CTNNBL1: variants seen among roughly 807,000 people sequenced by gnomAD.
The protein encoded by CTNNBL1 is beta-catenin-like protein 1.
CTNNBL1 carries 31 observed loss-of-function variants against 72.7 expected under a neutral mutation model. The ratio of observed to expected loss-of-function variants is 0.43; its 90% CI spans 0.32 to 0.58. The LOEUF is 0.58. Among genes scored for constraint, CTNNBL1 ranks in the 20% least tolerant of loss-of-function variants. The probability of loss-of-function intolerance (pLI) is 0.08; values close to 1 mark genes in which losing one functional copy is unlikely to be tolerated. For missense variants in CTNNBL1, 534 were observed against 725.1 expected (o/e 0.74, Z 3.03); for synonymous variants, 240 against 267.3 (o/e 0.90, Z 1.00).
intron 13 of CTNNBL1, among the ~76,000 whole-genome samples, chr20:37,848,572 T>G (rs2072367461): frequency 1.3e-5 from 2 of 152,134 alleles, no homozygotes; most frequent in South Asian, 4.1e-4. Context: ...GACGTCGTGC[T>G]TTTACCTCTC....
intron 7 of CTNNBL1, 179 bp from the exon 8 acceptor site, chr20:37,777,166 T>C (rs754412652): frequency 4.0e-5 from 22 of 556,638 alleles, no homozygotes; most frequent in African/African-American, 9.4e-5. Context: ...TTTCAATCTG[T>C]CACTTTACTT....
At chr20:37,706,327 C>T (rs576514741) in intron 1 of CTNNBL1, among the ~76,000 whole-genome samples, 1 of 152,328 alleles carries the variant, frequency 6.6e-6, no homozygotes, top group East Asian at 1.9e-4. Context: ...TAGCGTTTTA[C>T]CCACAGTAGA....
At chr20:37,777,229 T>C in intron 7 of CTNNBL1, 116 bp from the exon 8 acceptor site, 1 of 801,264 alleles carries the variant, frequency 1.2e-6, no homozygotes. Context: ...AACTGCCTTT[T>C]CCTTTTCTAA....
intron 7 of CTNNBL1, among the ~76,000 whole-genome samples, chr20:37,770,861 A>G (rs1300366805): frequency 2.0e-5 from 3 of 152,248 alleles, no homozygotes; most frequent in East Asian, 3.8e-4. Context: ...TTCTTTCATT[A>G]ATTAGTTAAT....
At chr20:37,757,320 G>A (rs1321199875) in intron 4 of CTNNBL1, among the ~76,000 whole-genome samples, 3 of 152,216 alleles carry the variant, frequency 2.0e-5, no homozygotes, top group African/African-American at 4.8e-5. Flanking sequence ...TGAAAATTCA[G>A]TGAACCTGTG....
At chr20:37,790,946 A>T (rs1335670704) in intron 10 of CTNNBL1, among the ~76,000 whole-genome samples, 1 of 152,110 alleles carries the variant, frequency 6.6e-6, no homozygotes, top group Non-Finnish European at 1.5e-5. Flanking sequence ...GCAACCATTG[A>T]TTTGCCTTCT....
intron 12 of CTNNBL1, among the ~76,000 whole-genome samples, chr20:37,840,974 G>C (rs1375738781): frequency 1.3e-5 from 2 of 152,172 alleles, no homozygotes; most frequent in African/African-American, 4.8e-5. Flanking sequence ...GGAACACAGT[G>C]ACATGAGATT....
At chr20:37,784,236 T>C (rs535698490) in intron 10 of CTNNBL1, among the ~76,000 whole-genome samples, 15 of 152,338 alleles carry the variant, frequency 9.8e-5, no homozygotes, top group African/African-American at 3.6e-4. Flanking sequence ...AGCCTATATG[T>C]GTCTTCATAG....
At chr20:37,830,006 A>G (rs2072194015) in intron 11 of CTNNBL1, among the ~76,000 whole-genome samples, 1 of 151,956 alleles carries the variant, frequency 6.6e-6, no homozygotes, top group Non-Finnish European at 1.5e-5. Flanking sequence ...TAATTTTGGT[A>G]TTTTTAGTAG....
At chr20:37,857,803 G>A (rs935284854) in intron 13 of CTNNBL1, among the ~76,000 whole-genome samples, 2 of 151,824 alleles carry the variant, frequency 1.3e-5, no homozygotes, top group Admixed American at 1.3e-4. Context: ...GCCATCAGAA[G>A]CATGTATTGA....
intron 1 of CTNNBL1, among the ~76,000 whole-genome samples, chr20:37,704,108 C>T (rs1445208890): frequency 2.6e-5 from 4 of 152,138 alleles, no homozygotes; most frequent in African/African-American, 9.7e-5. Context: ...GGTACAGGCT[C>T]ATGAGCACAG....
chr20:37,790,783 C>T (rs1275552368), intron 10 of CTNNBL1, among the ~76,000 whole-genome samples: 2 of 152,156 alleles, frequency 1.3e-5, no homozygotes, highest in Admixed American at 6.5e-5. Flanking sequence ...TAGTTTAAAT[C>T]GCACATATTT....
At chr20:37,711,234 T>C (rs6067377) in intron 1 of CTNNBL1, among the ~76,000 whole-genome samples, 74,145 of 151,896 alleles carry the variant, frequency 0.49, 20,338 homozygotes, top group African/African-American at 0.76. Context: ...TCTTATCTCC[T>C]TTTGCCATAG....
chr20:37,825,464 C>T (rs2072151338), intron 11 of CTNNBL1, among the ~76,000 whole-genome samples: 1 of 152,128 alleles, frequency 6.6e-6, no homozygotes, highest in South Asian at 2.1e-4. Flanking sequence ...CACTTGAAGT[C>T]AGGAGTTCAA....
chr20:37,744,461 G>A (rs1467399530), intron 3 of CTNNBL1, among the ~76,000 whole-genome samples: 1 of 152,168 alleles, frequency 6.6e-6, no homozygotes, highest in Admixed American at 6.5e-5. Flanking sequence ...CTGACAAAGG[G>A]GGATTGGTTA....
chr20:37,775,298 C>T (rs959878368), intron 7 of CTNNBL1, among the ~76,000 whole-genome samples: 5 of 152,182 alleles, frequency 3.3e-5, no homozygotes, highest in East Asian at 1.9e-4. Flanking sequence ...TTGAACGCTA[C>T]GACCATCATT....
At chr20:37,853,690 G>A (rs2235458) in intron 13 of CTNNBL1, among the ~76,000 whole-genome samples, 124,306 of 152,214 alleles carry the variant, frequency 0.82, 50,817 homozygotes, top group Middle Eastern at 0.89. Context: ...AGGTGATGCC[G>A]TCTTCTTTTT....
In CTNNBL1 at chr20:37,859,912, G is replaced by A. The variant is rs780634402; in HGVS notation, c.1406G>A (p.Arg469Gln). 2.2e-5 allele frequency: 35 copies of A among 1,614,108 alleles called. No homozygotes were observed. Among genetic ancestry groups the A allele is most frequent in the South Asian group, 9.9e-5 (9 of 91,058 alleles). ...IEGEKHDMVR[R>Q]GEIIDNDTEE... ...ATTTGTTTCTAGGACATGGTCCGGC[G>A]AGGAGAGATCATCGACAATGACACC... Residue 469 changes from arginine to glutamine, a missense_variant, in exon 14 of 16, where the codon CGA (arginine) becomes CAA (glutamine). Physicochemically the swap from Arg to Gln is conservative, Grantham distance 43. Coordinates refer to ENST00000361383, the MANE Select transcript of CTNNBL1 (RefSeq NM_030877.5).
At chr20:37,821,565 ACAT>A (rs1462916407) in intron 11 of CTNNBL1, among the ~76,000 whole-genome samples, 1 of 152,166 alleles carries the variant, frequency 6.6e-6, no homozygotes, top group Non-Finnish European at 1.5e-5. Context: ...GCAACCTTAG[ACAT>A]CATGTAATTT....
Sources: gnomAD v4.1 joint callset for allele counts (sites outside exome capture counted in the v4.1 genomes callset) on GRCh38, gnomAD v4.1.1 for gene constraint, MANE v1.5 for transcripts, NCBI Gene and HGNC (gene_info 2026-07-23, HGNC 2026-07-21) for gene names.